Variants in MSI2 observed in about 807,000 individuals in gnomAD.
MSI2 encodes musashi RNA binding protein 2.
A neutral mutation model predicts 45.6 loss-of-function variants in MSI2; 17 were observed. That is an observed-to-expected ratio of 0.37 (90% confidence interval 0.26 to 0.56). The LOEUF (loss-of-function observed/expected upper bound fraction) is 0.56. MSI2 is among the 20% of genes least tolerant of loss of function. The pLI is 0.77. For synonymous variants in MSI2, 156 were observed against 158.2 expected, an observed-to-expected ratio of 0.99 and a Z score of 0.11; for missense variants, 293 against 444.2, an observed-to-expected ratio of 0.66 and a Z score of 3.06.
rs1417317496 is a variant in MSI2 at position 57,407,275 on chromosome 17, G to A, written c.405+5804G>A. 6.6e-6 allele frequency among the ~76,000 whole-genome samples: 1 copy of A among 152,106 alleles called. No individual in the cohort carries two copies. Among genetic ancestry groups the A allele is most frequent in the Non-Finnish European group, 1.5e-5 (1 of 68,016 alleles). On this transcript the variant is annotated intron_variant, in intron 6 of 13. Coordinates refer to ENST00000284073, the MANE Select transcript of MSI2 (RefSeq NM_138962.4). This position sits in a 1 kb window ranked among gnomAD's most constrained non-coding sequence, Gnocchi z 4.1. ...TGGGTGCCTGCGATCTCCCAGCTCC[G>A]GGGTTTTCTGTGCAGGTGCGAAGCT...
chr17:57,389,110 C>T (rs558951354), intron 5 of MSI2, among the ~76,000 whole-genome samples: 2 of 151,286 alleles, frequency 1.3e-5, no homozygotes, highest in Non-Finnish European at 2.9e-5. Context: ...TCCCAAGTAG[C>T]TGGGACCACG....
chr17:57,256,558 C>CGT lies in MSI2; in HGVS notation c.-181_-180dup. On this transcript the variant is annotated 5_prime_UTR_variant, in exon 1 of 14. Coordinates refer to ENST00000284073, the MANE Select transcript of MSI2 (RefSeq NM_138962.4). ...GCGGGGCTGAGCTAAGCCGAGCCCA[C>CGT]GTGTGACGGCTCTCGCCGCTGCCCC... 2.9e-6 allele frequency: 1 copy of CGT among 341,846 alleles called. No homozygotes were observed. 21.2% of individuals were successfully genotyped at this position (341,846 alleles called of 1,614,324 possible).
rs113771241 is a variant in MSI2, at chr17:57,577,510, T to C, written c.455-19358T>C. Among the ~76,000 whole-genome samples the C allele has an allele frequency of 4.8e-3, 727 of 152,304 alleles. 7 individuals carry two copies. The highest frequency in any genetic ancestry group is 0.017 in the African/African-American group (697 of 41,556). ...TTTAAGCCCTGGTCTCCAGTAGATA[T>C]TGGTTTAATTACCAGTTATTTACTG... On this transcript the variant is annotated intron_variant, in intron 7 of 13. Coordinates refer to ENST00000284073, the MANE Select transcript of MSI2 (RefSeq NM_138962.4).
chr17:57,600,690 T>C (rs1905773690), intron 8 of MSI2, among the ~76,000 whole-genome samples: 1 of 152,054 alleles, frequency 6.6e-6, no homozygotes, highest in African/African-American at 2.4e-5. Flanking sequence ...CAGGAATCCT[T>C]CCTTCATTCT....
chr17:57,615,854 T>A, intron 8 of MSI2, 116 bp from the exon 9 acceptor site: 1 of 739,688 alleles, frequency 1.4e-6, no homozygotes, highest in Non-Finnish European at 2.3e-6. Context: ...TGGCTATTTT[T>A]ACAGTGGGTA....
chr17:57,305,326 T>C (rs1005370988), intron 5 of MSI2, among the ~76,000 whole-genome samples: 7 of 152,132 alleles, frequency 4.6e-5, no homozygotes, highest in Admixed American at 4.6e-4. Context: ...GAGCCTCCGA[T>C]GTTGAGGATA....
intron 6 of MSI2, among the ~76,000 whole-genome samples, chr17:57,510,057 G>A (rs530043248): frequency 1.8e-4 from 27 of 152,160 alleles, no homozygotes; most frequent in Admixed American, 1.0e-3. Context: ...GGCCTGCCAC[G>A]TATTTGTTGT....
At chr17:57,491,253 T>C (rs895465249) in intron 6 of MSI2, among the ~76,000 whole-genome samples, 2 of 152,232 alleles carry the variant, frequency 1.3e-5, no homozygotes, top group Admixed American at 6.5e-5. Context: ...GAGAGCGCAG[T>C]CAGGCACAAA....
intron 7 of MSI2, among the ~76,000 whole-genome samples, chr17:57,557,629 G>A (rs1424793362): frequency 1.3e-5 from 2 of 152,246 alleles, no homozygotes; most frequent in Non-Finnish European, 2.9e-5. Flanking sequence ...CTGGGCTGGG[G>A]TGTTCCCCCT....
intron 6 of MSI2, among the ~76,000 whole-genome samples, chr17:57,498,697 G>C (rs1265471703): frequency 6.6e-6 from 1 of 152,144 alleles, no homozygotes; most frequent in Admixed American, 6.5e-5. Context: ...AATTAGGTTG[G>C]CTTTGTTGGG....
At position 57,308,776 on chromosome 17, in the gene MSI2, G is replaced by A. The variant is rs114139105; in HGVS notation, c.312+46584G>A. ...CTTCTCAGAGACTGGCTCTTGAGAA[G>A]GTACAACCCCCCTCATTTCCACTTC... On this transcript the variant is annotated intron_variant, in intron 5 of 13. Transcript: ENST00000284073. 5.4e-3 allele frequency among the ~76,000 whole-genome samples: 826 copies of A among 152,276 alleles called. 6 individuals carry two copies. The highest frequency in any genetic ancestry group is 0.019 in the African/African-American group (789 of 41,552).
chr17:57,663,823 A>G (rs1317463260), intron 11 of MSI2, among the ~76,000 whole-genome samples: 1 of 152,148 alleles, frequency 6.6e-6, no homozygotes, highest in Non-Finnish European at 1.5e-5. Flanking sequence ...CTTAAAGGGC[A>G]CATTCCGTTC....
chr17:57,357,918 G>A (rs569227548), intron 5 of MSI2, among the ~76,000 whole-genome samples: 40 of 152,118 alleles, frequency 2.6e-4, no homozygotes, highest in African/African-American at 9.2e-4. Flanking sequence ...TTAGTGACTT[G>A]ATCATCCAGC....
intron 5 of MSI2, chr17:57,265,773 C>G (rs1347419682): frequency 6.6e-6 from 1 of 152,164 alleles, no homozygotes; most frequent in South Asian, 2.1e-4. Flanking sequence ...AGAGTTCCCC[C>G]CCAGCCCCTT....
At chr17:57,677,938 G>A (rs114527920) in intron 13 of MSI2, among the ~76,000 whole-genome samples, 48 of 152,328 alleles carry the variant, frequency 3.2e-4, no homozygotes, top group African/African-American at 1.1e-3. Context: ...GTGTTAGCAC[G>A]TTAAGTTTGT....
chr17:57,491,053 C>T (rs1464159765), intron 6 of MSI2, among the ~76,000 whole-genome samples: 1 of 152,216 alleles, frequency 6.6e-6, no homozygotes, highest in Admixed American at 6.5e-5. Context: ...CACACTGCCC[C>T]TCGTGGGCCA....
At chr17:57,651,888 G>T (rs1454343279) in intron 10 of MSI2, among the ~76,000 whole-genome samples, 1 of 152,218 alleles carries the variant, frequency 6.6e-6, no homozygotes, top group Non-Finnish European at 1.5e-5. Context: ...GGTGACAAAT[G>T]GGTGAGAATC....
At chr17:57,588,285 G>T (rs1363799718) in intron 7 of MSI2, among the ~76,000 whole-genome samples, 1 of 152,178 alleles carries the variant, frequency 6.6e-6, no homozygotes, top group Non-Finnish European at 1.5e-5. Flanking sequence ...CTGAGGCTGG[G>T]TGCTGTGTAC....
In MSI2 at chr17:57,675,761, T is replaced by A. The variant is rs200756548; in HGVS notation, c.945+635T>A. ...TTCCAGGTTCCAAGTAAGTTCCCAT[T>A]TGCGTTCCTTAGCTGCAGCCTCCAC... On this transcript the variant is annotated intron_variant, in intron 12 of 13. Coordinates refer to ENST00000284073, the MANE Select transcript of MSI2 (RefSeq NM_138962.4). Among the ~76,000 whole-genome samples, 17 of 152,334 alleles carry A rather than the reference T, an allele frequency of 1.1e-4. 1 individual carries two copies. In the East Asian group the frequency reaches 2.7e-3, roughly 24 times the overall value.
Sources: allele counts gnomAD v4.1 joint callset (sites outside exome capture counted in the v4.1 genomes callset), GRCh38; gene constraint gnomAD v4.1.1; non-coding constraint Gnocchi (gnomAD v3.1); transcripts MANE v1.5; gene names NCBI Gene and HGNC (gene_info 2026-07-23, HGNC 2026-07-21).